The following MAGI2 variants were observed in gnomAD, a reference collection of about 807,000 sequenced individuals.
The protein encoded by MAGI2 is membrane-associated guanylate kinase, WW and PDZ domain-containing protein 2.
A neutral mutation model predicts 133.3 loss-of-function variants in MAGI2; 35 were observed. The ratio of observed to expected loss-of-function variants is 0.26; its 90% CI spans 0.20 to 0.35. The LOEUF (loss-of-function observed/expected upper bound fraction) is 0.35, where lower values mean the gene tolerates loss of function less well. MAGI2 is among the 10% of genes least tolerant of loss of function. The probability of loss-of-function intolerance (pLI) is 1.00; values close to 1 mark genes in which losing one functional copy is unlikely to be tolerated. For synonymous variants in MAGI2, 729 were observed against 710.6 expected (o/e 1.03, Z -0.41); for missense variants, 1,636 against 1,863.4 (o/e 0.88, Z 2.25).
At chr7:79,343,029 G>A (rs757049775) in intron 1 of MAGI2, among the ~76,000 whole-genome samples, 46 of 152,096 alleles carry the variant, frequency 3.0e-4, no homozygotes, top group Admixed American at 2.8e-3. Flanking sequence ...CTCCCAAAGT[G>A]CTGGGATTAC....
At chr7:78,482,079 T>C (rs1792449262) in intron 6 of MAGI2, among the ~76,000 whole-genome samples, 1 of 151,846 alleles carries the variant, frequency 6.6e-6, no homozygotes, top group African/African-American at 2.4e-5. Flanking sequence ...AGCAAACAAC[T>C]GGCAAAAGAC....
At chr7:79,221,361 CTA>C (rs1335763720) in intron 1 of MAGI2, among the ~76,000 whole-genome samples, 1 of 152,184 alleles carries the variant, frequency 6.6e-6, no homozygotes, top group African/African-American at 2.4e-5. Flanking sequence ...CAGCCCTGTG[CTA>C]TGTTATTTCA....
chr7:78,988,427 T>C (rs7799961), intron 2 of MAGI2, among the ~76,000 whole-genome samples: 1 of 152,044 alleles, frequency 6.6e-6, no homozygotes, highest in Non-Finnish European at 1.5e-5. Flanking sequence ...CAAAAAAATA[T>C]AGTCACTAAA....
intron 3 of MAGI2, among the ~76,000 whole-genome samples, chr7:78,599,122 C>A (rs1262443883): frequency 6.6e-6 from 1 of 152,084 alleles, no homozygotes; most frequent in Non-Finnish European, 1.5e-5. Context: ...TGTATTTTGG[C>A]ACCACTAAAA....
intron 2 of MAGI2, among the ~76,000 whole-genome samples, chr7:78,685,707 G>A (rs1816223972): frequency 6.6e-6 from 1 of 151,688 alleles, no homozygotes; most frequent in Admixed American, 6.6e-5. Context: ...AACAATACTT[G>A]CTATTTTTTA....
intron 21 of MAGI2, among the ~76,000 whole-genome samples, chr7:78,040,242 GGAGGGTAAGC>G (rs1242937176): frequency 6.6e-6 from 1 of 152,234 alleles, no homozygotes; most frequent in Admixed American, 6.5e-5. Context: ...GGAAATGCCA[GGAGGGTAAGC>G]GACTTCCTTT....
At position 78,601,628 on chromosome 7, in the gene MAGI2, G is replaced by A. The variant is rs79560645; in HGVS notation, c.538+25492C>T. Among the ~76,000 whole-genome samples the A allele has an allele frequency of 0.013, 1,904 of 152,224 alleles. 65 individuals carry two copies. The East Asian group carries it at 0.13, about 10-fold the overall frequency. On this transcript the variant is annotated intron_variant, in intron 3 of 21. Transcript: ENST00000354212. ...AATTTTGTATTTCTACTGGAGGATA[G>A]AGGAATTTGTGAGCTTTGTGGGTAA...
intron 2 of MAGI2, among the ~76,000 whole-genome samples, chr7:78,736,032 G>A (rs1821816149): frequency 6.6e-6 from 1 of 152,142 alleles, no homozygotes; most frequent in African/African-American, 2.4e-5. Flanking sequence ...AGATGCTCAA[G>A]ATCTAATAGG....
chr7:78,057,977 G>GTGTATATTTATA (rs762943472), intron 21 of MAGI2, among the ~76,000 whole-genome samples: 1 of 106,608 alleles, frequency 9.4e-6, no homozygotes, highest in African/African-American at 3.4e-5. Flanking sequence ...ATATATATGT[G>GTGTATATTTATA]TATATATATA....
intron 1 of MAGI2, among the ~76,000 whole-genome samples, chr7:79,378,379 C>CCGATGAGG (rs1210069742): frequency 6.6e-6 from 1 of 151,688 alleles, no homozygotes; most frequent in East Asian, 1.9e-4. Flanking sequence ...AACTGCTTTT[C>CCGATGAGG]CGATGAGGAC....
At chr7:78,735,587 G>T (rs189824007) in intron 2 of MAGI2, among the ~76,000 whole-genome samples, 129 of 152,222 alleles carry the variant, frequency 8.5e-4, no homozygotes, top group South Asian at 7.7e-3. Flanking sequence ...TACAATTTTG[G>T]ATGACTCACA....
intron 1 of MAGI2, among the ~76,000 whole-genome samples, chr7:79,034,725 T>TGTGAAAAATCCAACACTGACCA (rs1554338042): frequency 6.6e-6 from 1 of 151,758 alleles, no homozygotes; most frequent in African/African-American, 2.4e-5. Flanking sequence ...AGCAGGCAAA[T>TGTGAAAAATCCAACACTGACCA]GTGAAAAATC....
intron 1 of MAGI2, among the ~76,000 whole-genome samples, chr7:79,320,878 A>C (rs1247801253): frequency 2.6e-5 from 4 of 152,144 alleles, no homozygotes; most frequent in African/African-American, 9.6e-5. Flanking sequence ...TCAAAATTGA[A>C]GAAAACCCAC....
At chr7:78,123,336 G>A (rs943168516) in intron 20 of MAGI2, among the ~76,000 whole-genome samples, 1 of 151,952 alleles carries the variant, frequency 6.6e-6, no homozygotes, top group African/African-American at 2.4e-5. Context: ...CATCTCCAGC[G>A]GATGCCTGAA....
intron 16 of MAGI2, among the ~76,000 whole-genome samples, chr7:78,148,309 C>T (rs1823521813): frequency 1.3e-5 from 2 of 152,158 alleles, no homozygotes; most frequent in Admixed American, 1.3e-4. Context: ...CATGCTGTAT[C>T]ATTCCATTTA....
chr7:78,321,657 C>T (rs1171655733), intron 9 of MAGI2, among the ~76,000 whole-genome samples: 2 of 152,074 alleles, frequency 1.3e-5, no homozygotes, highest in East Asian at 3.9e-4. Flanking sequence ...GACCTAAAAT[C>T]ATAAAAACCC....
intron 2 of MAGI2, among the ~76,000 whole-genome samples, chr7:78,813,371 G>T (rs961143179): frequency 8.5e-5 from 13 of 152,124 alleles, no homozygotes; most frequent in African/African-American, 2.9e-4. Flanking sequence ...AGCTGGGAAT[G>T]TAAGACTAGT....
chr7:79,315,325 AT>A (rs775143230), intron 1 of MAGI2, among the ~76,000 whole-genome samples: 5,657 of 92,446 alleles, frequency 0.061, 272 homozygotes, highest in African/African-American at 0.17. Flanking sequence ...TGCCCAGTTA[AT>A]TTTTTTTTTT....
chr7:78,258,525 T>C (rs1793220280), intron 9 of MAGI2, among the ~76,000 whole-genome samples: 1 of 152,142 alleles, frequency 6.6e-6, no homozygotes, highest in Non-Finnish European at 1.5e-5. Context: ...TTACAGCCCT[T>C]TCCAAGGTAA....
Sources: gnomAD v4.1 joint callset for allele counts (sites outside exome capture counted in the v4.1 genomes callset) on GRCh38, gnomAD v4.1.1 for gene constraint, MANE v1.5 for transcripts, NCBI Gene and HGNC (gene_info 2026-07-23, HGNC 2026-07-21) for gene names.